The following KLF12 variants were observed in gnomAD, a reference collection of about 807,000 sequenced individuals.
The protein encoded by KLF12 is KLF transcription factor 12, also known as Krueppel-like factor 12.
Under a neutral mutation model 37.8 loss-of-function variants are expected in KLF12, and 9 were observed. The observed-to-expected ratio is 0.24, with a 90% CI of 0.14 to 0.42. The LOEUF is 0.42. KLF12 is among the 10% of genes least tolerant of loss of function. KLF12 has a pLI of 1.00. For synonymous variants in KLF12, 208 were observed against 202.1 expected (o/e 1.03, Z -0.25); for missense variants, 411 against 516.0 (o/e 0.80, Z 1.97).
chr13:73,729,526 T>C (rs1423708557), intron 6 of KLF12, among the ~76,000 whole-genome samples: 1 of 152,178 alleles, frequency 6.6e-6, no homozygotes, highest in Admixed American at 6.5e-5. Flanking sequence ...CCTGGAGTGG[T>C]TAATTGCTAA....
intron 1 of KLF12, among the ~76,000 whole-genome samples, chr13:74,093,718 A>T (rs916253674): frequency 9.9e-5 from 15 of 151,314 alleles, no homozygotes; most frequent in East Asian, 7.7e-4. Flanking sequence ...AAAAGAAAAA[A>T]ATATATATAT....
chr13:73,805,804 A>G (rs536466761), intron 5 of KLF12, among the ~76,000 whole-genome samples: 1 of 151,954 alleles, frequency 6.6e-6, no homozygotes, highest in South Asian at 2.1e-4. Flanking sequence ...TGAGGCATAA[A>G]GTTTTTTTTC....
At chr13:74,146,946 GGTGGAGATAACTTATTA>G in the KLF12 span, among the ~76,000 whole-genome samples, 1 of 152,156 alleles carries the variant, frequency 6.6e-6, no homozygotes. Flanking sequence ...ACCCGATACT[GGTGGAGATAACTTATTA>G]GTGAACCTTT....
rs539448461 is a variant in KLF12, at chr13:74,106,727, A to G, written c.-32+27012T>C. Among the ~76,000 whole-genome samples the G allele has an allele frequency of 2.6e-5, 4 of 152,320 alleles. No individual in the cohort carries two copies. The South Asian group carries it at 6.2e-4, about 24-fold the overall frequency. On this transcript the variant is annotated intron_variant, in intron 1 of 7. Coordinates refer to ENST00000377669, the MANE Select transcript of KLF12 (RefSeq NM_007249.5). ...ATGATCATTAGACACCTGCTCCAAC[A>G]CAACTATTGTTAGGTATTTTACTCT...
chr13:74,119,328 A>G (rs1402241751), intron 1 of KLF12, among the ~76,000 whole-genome samples: 1 of 102,734 alleles, frequency 9.7e-6, no homozygotes, highest in Non-Finnish European at 2.5e-5. Flanking sequence ...CGAGACTCTT[A>G]TCGCAAAAAA....
the KLF12 span, among the ~76,000 whole-genome samples, chr13:74,288,042 C>T: frequency 2.7e-5 from 4 of 148,650 alleles, no homozygotes; most frequent in Admixed American, 6.8e-5. Flanking sequence ...AACTGTTCTG[C>T]TTTCAGCAGC....
At chr13:73,920,591 A>G (rs144351263) in intron 3 of KLF12, among the ~76,000 whole-genome samples, 1 of 152,170 alleles carries the variant, frequency 6.6e-6, no homozygotes, top group East Asian at 1.9e-4. Flanking sequence ...AACTTGCCAA[A>G]CTTTTTGAGG....
intron 1 of KLF12, among the ~76,000 whole-genome samples, chr13:74,033,735 T>C (rs1893173124): frequency 1.3e-5 from 2 of 152,214 alleles, no homozygotes; most frequent in African/African-American, 4.8e-5. Flanking sequence ...TATAATAATC[T>C]GATGAGAATA....
chr13:74,134,693 A>G (rs932286932), upstream of KLF12, among the ~76,000 whole-genome samples: 130 of 151,724 alleles, frequency 8.6e-4, no homozygotes, highest in African/African-American at 2.8e-3. Flanking sequence ...TTGCGGCGGG[A>G]GGGACCCCTG....
intron 1 of KLF12, among the ~76,000 whole-genome samples, chr13:74,126,240 ATATT>A (rs1181683710): frequency 2.6e-5 from 4 of 152,192 alleles, no homozygotes; most frequent in Non-Finnish European, 5.9e-5. Flanking sequence ...ATATCATTGA[ATATT>A]TATTTAATAA....
intron 1 of KLF12, among the ~76,000 whole-genome samples, chr13:74,094,723 C>T (rs1875880648): frequency 4.0e-5 from 6 of 151,898 alleles, no homozygotes; most frequent in Admixed American, 3.9e-4. Context: ...CCTCAACCTC[C>T]CAGGTAGCTA....
intron 6 of KLF12, among the ~76,000 whole-genome samples, chr13:73,741,079 ATC>A (rs1248202609): frequency 1.3e-5 from 2 of 152,218 alleles, no homozygotes; most frequent in Non-Finnish European, 2.9e-5. Context: ...TTTCTATAAC[ATC>A]GTTCTGCTGA....
At chr13:74,040,174 C>A (rs1005759934) in intron 1 of KLF12, among the ~76,000 whole-genome samples, 19 of 152,186 alleles carry the variant, frequency 1.2e-4, no homozygotes, top group African/African-American at 4.3e-4. Context: ...ATAAACAGGA[C>A]AGATGTGATA....
intron 1 of KLF12, among the ~76,000 whole-genome samples, chr13:74,050,359 C>T (rs553766802): frequency 6.6e-6 from 1 of 152,230 alleles, no homozygotes; most frequent in African/African-American, 2.4e-5. Context: ...TTCACCTCTC[C>T]TACAATCTCC....
At chr13:73,819,005 TGAATGTTTGGGGAG>T (rs1469243273) in intron 4 of KLF12, among the ~76,000 whole-genome samples, 1 of 152,130 alleles carries the variant, frequency 6.6e-6, no homozygotes, top group Non-Finnish European at 1.5e-5. Flanking sequence ...AAGGGAAAAA[TGAATGTTTGGGGAG>T]GAATGTTTGG....
intron 1 of KLF12, among the ~76,000 whole-genome samples, chr13:74,096,990 A>T (rs1245873054): frequency 1.3e-5 from 2 of 152,124 alleles, no homozygotes; most frequent in Admixed American, 6.6e-5. Context: ...CAAATTCCAA[A>T]TTTTTTTCCC....
chr13:74,273,471 A>G, the KLF12 span, among the ~76,000 whole-genome samples: 3 of 151,236 alleles, frequency 2.0e-5, no homozygotes, highest in African/African-American at 7.3e-5. Flanking sequence ...TGGAGCATGT[A>G]CAAATCTTTT....
the KLF12 span, among the ~76,000 whole-genome samples, chr13:74,300,316 G>A: frequency 2.6e-5 from 4 of 152,016 alleles, no homozygotes; most frequent in Non-Finnish European, 5.9e-5. Flanking sequence ...GTTCTTGATT[G>A]CTGGCATATT....
At chr13:73,940,004 C>T (rs923547481) in intron 3 of KLF12, among the ~76,000 whole-genome samples, 1 of 152,114 alleles carries the variant, frequency 6.6e-6, no homozygotes, top group Non-Finnish European at 1.5e-5. Context: ...GCATAGAGGC[C>T]TGGAGATAGA....
Sources: allele counts gnomAD v4.1 joint callset (sites outside exome capture counted in the v4.1 genomes callset), GRCh38; gene constraint gnomAD v4.1.1; transcripts MANE v1.5; gene names NCBI Gene and HGNC (gene_info 2026-07-23, HGNC 2026-07-21).